Variants in PRKCE observed in about 807,000 individuals in gnomAD.
PRKCE encodes protein kinase C epsilon type.
Under a neutral mutation model 85.4 loss-of-function variants are expected in PRKCE, and 16 were observed. The ratio of observed to expected loss-of-function variants is 0.19; its 90% CI spans 0.13 to 0.28. The LOEUF (loss-of-function observed/expected upper bound fraction) is 0.28, where lower values mean the gene tolerates loss of function less well. Among genes scored for constraint, PRKCE ranks in the 10% least tolerant of loss-of-function variants. The pLI is 1.00. For synonymous variants in PRKCE, 388 were observed against 371.5 expected, an observed-to-expected ratio of 1.04 and a Z score of -0.51; for missense variants, 573 against 975.2, an observed-to-expected ratio of 0.59 and a Z score of 5.49.
chr2:46,010,682 A>G (rs1426133574), intron 10 of PRKCE, 165 bp downstream of exon 10: 2 of 1,598,452 alleles, frequency 1.3e-6, no homozygotes, highest in Non-Finnish European at 1.7e-6. Context: ...CTTCTTTTTT[A>G]GGGCACAGGA....
intron 6 of PRKCE, among the ~76,000 whole-genome samples, chr2:45,995,899 A>C (rs998482825): frequency 6.6e-6 from 1 of 152,186 alleles, no homozygotes; most frequent in African/African-American, 2.4e-5. Context: ...CGATATCCAT[A>C]AATAACTTGC....
Position 45,995,602 on chromosome 2 carries a change from C to G in PRKCE, c.824-5802C>G, listed in dbSNP as rs1246091743. Among the ~76,000 whole-genome samples, 3 of 152,146 alleles carry G rather than the reference C, an allele frequency of 2.0e-5. No individual in the cohort carries two copies. In the East Asian group the frequency reaches 5.8e-4, roughly 29 times the overall value. ...TCTAGCACCATTTGTTGAAAACTGTCTTTGCTCCATTTTATTGCCTTTGCT... is the reference window on the plus strand; with the variant it reads ...TCTAGCACCATTTGTTGAAAACTGTGTTTGCTCCATTTTATTGCCTTTGCT... On this transcript the variant is annotated intron_variant, in intron 6 of 14. Coordinates refer to ENST00000306156, the MANE Select transcript of PRKCE (RefSeq NM_005400.3).
intron 11 of PRKCE, among the ~76,000 whole-genome samples, chr2:46,110,282 G>A (rs1672129255): frequency 6.6e-6 from 1 of 152,098 alleles, no homozygotes; most frequent in African/African-American, 2.4e-5. Flanking sequence ...TCTCCCTTAA[G>A]TGTTTGGTAC....
At chr2:46,130,987 C>G (rs1289328926) in intron 11 of PRKCE, among the ~76,000 whole-genome samples, 1 of 152,142 alleles carries the variant, frequency 6.6e-6, no homozygotes, top group East Asian at 1.9e-4. Flanking sequence ...ATAGGTTATC[C>G]TTTTTGAGCA....
At chr2:46,097,972 C>T (rs1041412499) in intron 11 of PRKCE, among the ~76,000 whole-genome samples, 5 of 152,156 alleles carry the variant, frequency 3.3e-5, no homozygotes, top group African/African-American at 7.2e-5. Context: ...TGGAGGAAGC[C>T]GCGTTATTGC....
chr2:45,956,417 C>T (rs553044727), intron 2 of PRKCE, among the ~76,000 whole-genome samples: 4 of 151,768 alleles, frequency 2.6e-5, no homozygotes, highest in East Asian at 1.9e-4. Flanking sequence ...CAGTGGGTCA[C>T]GCCTATAATC....
chr2:46,089,024 AAATG>A (rs1669910705), intron 11 of PRKCE, among the ~76,000 whole-genome samples: 1 of 152,144 alleles, frequency 6.6e-6, no homozygotes, highest in African/African-American at 2.4e-5. Context: ...CTGCTTCCCT[AAATG>A]AATGCCTTCC....
At chr2:46,049,824 T>C (rs756111878) in intron 10 of PRKCE, among the ~76,000 whole-genome samples, 21 of 152,224 alleles carry the variant, frequency 1.4e-4, no homozygotes, top group Non-Finnish European at 2.2e-4. Context: ...TTTTGTGTTC[T>C]GCAGTTGATT....
At chr2:45,919,621 C>A (rs1471785135) in intron 2 of PRKCE, among the ~76,000 whole-genome samples, 9 of 152,314 alleles carry the variant, frequency 5.9e-5, no homozygotes, top group East Asian at 5.8e-4. Flanking sequence ...CGGGGAAGGC[C>A]ACCAGGAGAC....
chr2:46,174,217 G>GC (rs1171766995), intron 14 of PRKCE, among the ~76,000 whole-genome samples: 1 of 152,232 alleles, frequency 6.6e-6, no homozygotes, highest in East Asian at 1.9e-4. Context: ...GACTACAGGG[G>GC]CCACCTAGCT....
chr2:45,663,307 T>C (rs190814950), intron 1 of PRKCE, among the ~76,000 whole-genome samples: 1 of 152,290 alleles, frequency 6.6e-6, no homozygotes, highest in African/African-American at 2.4e-5. Flanking sequence ...AAGTGGGCCA[T>C]TCGGAAAATC....
intron 1 of PRKCE, chr2:45,698,004 C>G (rs62128645): frequency 6.6e-6 from 1 of 152,626 alleles, no homozygotes; most frequent in Non-Finnish European, 1.5e-5. Flanking sequence ...CAGTGAGCTC[C>G]TGAGGGTATG....
intron 11 of PRKCE, among the ~76,000 whole-genome samples, chr2:46,087,363 A>G (rs1669747369): frequency 6.6e-6 from 1 of 152,122 alleles, no homozygotes; most frequent in Admixed American, 6.5e-5. Context: ...CCTTATATAA[A>G]GGTTGGTAGG....
intron 11 of PRKCE, among the ~76,000 whole-genome samples, chr2:46,116,956 G>A (rs989073017): frequency 3.3e-5 from 5 of 152,198 alleles, no homozygotes; most frequent in Admixed American, 3.3e-4. Flanking sequence ...TTGAAGGGAA[G>A]CCAGCAGTCA....
chr2:45,830,003 G>A (rs1690276112), intron 1 of PRKCE, among the ~76,000 whole-genome samples: 1 of 149,404 alleles, frequency 6.7e-6, no homozygotes, highest in East Asian at 2.0e-4. Context: ...AACCTGGGAG[G>A]CGGAGCTTGC....
At chr2:45,932,110 C>T (rs919329893) in intron 2 of PRKCE, among the ~76,000 whole-genome samples, 1 of 152,186 alleles carries the variant, frequency 6.6e-6, no homozygotes, top group Admixed American at 6.5e-5. Context: ...GCTCACTACC[C>T]CTCACCCAAC....
chr2:46,033,658 C>A (rs1439108838), intron 10 of PRKCE, among the ~76,000 whole-genome samples: 1 of 152,178 alleles, frequency 6.6e-6, no homozygotes, highest in Non-Finnish European at 1.5e-5. Flanking sequence ...AAGGCACTGT[C>A]CTAAATCTGA....
At position 46,107,008 on chromosome 2, in the gene PRKCE, C is replaced by G. The variant is rs145332578; in HGVS notation, c.1592+20646C>G. On this transcript the variant is annotated intron_variant, in intron 11 of 14. Transcript: ENST00000306156. ...TTTCTCAGCTTCCTAAATAATTTTT[C>G]AAATTTGAGTGTATTAAGTTTCACT... 1.1e-4 allele frequency among the ~76,000 whole-genome samples: 17 copies of G among 152,298 alleles called. No individual in the cohort carries two copies. The East Asian group carries it at 3.3e-3, about 29-fold the overall frequency.
In PRKCE at chr2:45,741,300, C is replaced by T. The variant is rs573196880; in HGVS notation, c.348+88852C>T. Among the ~76,000 whole-genome samples the T allele has an allele frequency of 4.6e-5, 7 of 152,324 alleles. No individual in the cohort carries two copies. In the East Asian group the frequency reaches 1.3e-3, roughly 29 times the overall value. On this transcript the variant is annotated intron_variant, in intron 1 of 14. Coordinates refer to ENST00000306156, the MANE Select transcript of PRKCE (RefSeq NM_005400.3). ...CAATTGAACAGCTGTAACAAAGTTTCTGAGAATCTTTTCCTCATGGTTGTT... is the reference window on the plus strand; with the variant it reads ...CAATTGAACAGCTGTAACAAAGTTTTTGAGAATCTTTTCCTCATGGTTGTT...
Sources: allele counts gnomAD v4.1 joint callset (sites outside exome capture counted in the v4.1 genomes callset), GRCh38; gene constraint gnomAD v4.1.1; transcripts MANE v1.5; gene names NCBI Gene and HGNC (gene_info 2026-07-23, HGNC 2026-07-21).